Variants in ERICH3 observed in about 807,000 individuals in gnomAD.
The protein encoded by ERICH3 is glutamate-rich protein 3.
ERICH3 carries 126 observed loss-of-function variants against 131.1 expected under a neutral mutation model. The observed-to-expected ratio is 0.96, with a 90% confidence interval of 0.83 to 1.11. The LOEUF is 1.11. ERICH3 is among the 50% of genes most tolerant of loss of function. ERICH3 has a pLI of 0.00. For synonymous variants in ERICH3, 695 were observed against 644.6 expected, an observed-to-expected ratio of 1.08 and a Z score of -1.18; for missense variants, 2,050 against 1,810.7, an observed-to-expected ratio of 1.13 and a Z score of -2.40.
chr1:74,586,622 T>C (rs1317727921), intron 12 of ERICH3: 1 of 553,568 alleles, frequency 1.8e-6, no homozygotes, highest in Non-Finnish European at 2.3e-6. Context: ...AAAATGTTTA[T>C]AAATTTGAAA....
intron 8 of ERICH3, among the ~76,000 whole-genome samples, chr1:74,619,592 G>A (rs1649124799): frequency 1.3e-5 from 2 of 152,124 alleles, no homozygotes; most frequent in East Asian, 1.9e-4. Flanking sequence ...CCAGGGGCTC[G>A]GGATTTGCTC....
intron 6 of ERICH3, among the ~76,000 whole-genome samples, chr1:74,633,249 G>A (rs1646358262): frequency 6.6e-6 from 1 of 151,826 alleles, no homozygotes; most frequent in Non-Finnish European, 1.5e-5. Context: ...ATTTAAAAAG[G>A]CATATGAACC....
intron 8 of ERICH3, among the ~76,000 whole-genome samples, chr1:74,617,081 G>A (rs74093467): frequency 0.16 from 23,583 of 151,008 alleles, 2,025 homozygotes; most frequent in South Asian, 0.26. Context: ...TTTAATCTGA[G>A]CAAAACATGG....
intron 6 of ERICH3, 135 bp downstream of exon 6, chr1:74,636,145 G>T: frequency 1.4e-6 from 1 of 693,792 alleles, no homozygotes; most frequent in Non-Finnish European, 2.1e-6. Context: ...CAAGTATGTA[G>T]TAAGTGTTTC....
intron 12 of ERICH3, among the ~76,000 whole-genome samples, chr1:74,585,441 A>AT (rs1473092884): frequency 1.3e-5 from 2 of 152,184 alleles, no homozygotes; most frequent in African/African-American, 4.8e-5. Context: ...GGAAAATATC[A>AT]TTTTATGCAA....
At chr1:74,589,559 G>A (rs1160600737) in intron 12 of ERICH3, 72 bp downstream of exon 12, 1 of 1,412,164 alleles carries the variant, frequency 7.1e-7, no homozygotes, top group East Asian at 2.3e-5. Flanking sequence ...CCAAGCTTTG[G>A]CATAGTGCAA....
intron 10 of ERICH3, among the ~76,000 whole-genome samples, chr1:74,602,041 C>T (rs951207829): frequency 1.3e-5 from 2 of 151,784 alleles, no homozygotes; most frequent in South Asian, 2.1e-4. Context: ...AAATCACACA[C>T]GATATGTACT....
chr1:74,627,015 T>C (rs1649441645), intron 7 of ERICH3, among the ~76,000 whole-genome samples: 1 of 152,172 alleles, frequency 6.6e-6, no homozygotes, highest in South Asian at 2.1e-4. Context: ...ATGGTAGTCA[T>C]AAAATGAAAG....
At chr1:74,633,030 A>G (rs1646354839) in intron 6 of ERICH3, among the ~76,000 whole-genome samples, 1 of 151,796 alleles carries the variant, frequency 6.6e-6, no homozygotes, top group Non-Finnish European at 1.5e-5. Flanking sequence ...TTTTGCACCA[A>G]TTTATTTCTA....
intron 1 of ERICH3, among the ~76,000 whole-genome samples, chr1:74,666,889 C>A (rs2100659631): frequency 6.6e-6 from 1 of 152,162 alleles, no homozygotes; most frequent in Non-Finnish European, 1.5e-5. Flanking sequence ...GTTTTAGAAC[C>A]ATGGATCTAA....
Position 74,612,777 on chromosome 1 carries a change from C to A in ERICH3, c.1033G>T (p.Gly345Cys). The A allele has an allele frequency of 6.3e-7, 1 of 1,591,420 alleles. No homozygotes were observed. The highest frequency in any genetic ancestry group is 8.6e-7 in the Non-Finnish European group (1 of 1,162,110). The change falls in exon 9 of 15, where the codon GGT becomes TGT. Residue 345 changes from glycine (G) to cysteine (C), a missense_variant. By Grantham distance (159) the Gly-to-Cys change is radical (BLOSUM62 -3). Coordinates refer to ENST00000326665, the MANE Select transcript of ERICH3 (RefSeq NM_001002912.5). ...TFQFISKRHH[G>C]FPFSLTFFLN... ...AAAAAGGTGAGACTGAAGGGGAAAC[C>A]ATGATGCCTTTTGGAAATAAACTGA... is the stretch of plus-strand genomic sequence containing the variant.
At chr1:74,644,323 C>T (rs1336372755) in intron 3 of ERICH3, among the ~76,000 whole-genome samples, 1 of 152,090 alleles carries the variant, frequency 6.6e-6, no homozygotes, top group African/African-American at 2.4e-5. Context: ...TCACTGTAGT[C>T]ATCCACATCT....
At chr1:74,656,773 A>G (rs532805607) in intron 1 of ERICH3, among the ~76,000 whole-genome samples, 2 of 152,326 alleles carry the variant, frequency 1.3e-5, no homozygotes, top group Admixed American at 1.3e-4. Flanking sequence ...AGGGTTCATC[A>G]ATAAATCAAT....
intron 1 of ERICH3, among the ~76,000 whole-genome samples, chr1:74,670,344 G>T (rs1037251797): frequency 2.6e-5 from 4 of 152,096 alleles, no homozygotes; most frequent in African/African-American, 9.7e-5. Flanking sequence ...AACATAGTGT[G>T]ATGGTGAAGA....
intron 1 of ERICH3, among the ~76,000 whole-genome samples, chr1:74,670,701 G>A (rs1646734043): frequency 5.3e-5 from 8 of 152,112 alleles, no homozygotes; most frequent in African/African-American, 1.9e-4. Flanking sequence ...TGAAATCAGT[G>A]CACCTTGAAA....
At chr1:74,620,699 C>A (rs1251524838) in intron 8 of ERICH3, 35 bp downstream of exon 8, 2 of 1,516,546 alleles carry the variant, frequency 1.3e-6, no homozygotes, top group Admixed American at 2.0e-5. Context: ...ACATCAACTC[C>A]AAGCAATTAA....
intron 1 of ERICH3, among the ~76,000 whole-genome samples, chr1:74,652,283 G>C (rs1271571498): frequency 6.6e-6 from 1 of 152,052 alleles, no homozygotes; most frequent in African/African-American, 2.4e-5. Context: ...ATATACATGT[G>C]ACCATCTTTC....
At chr1:74,594,273 C>CGTGTGTGTGTGTGTGTGTGTGT (rs10655150) in intron 11 of ERICH3, among the ~76,000 whole-genome samples, 9 of 144,786 alleles carry the variant, frequency 6.2e-5, no homozygotes, top group African/African-American at 2.3e-4. Flanking sequence ...AAAAATGGGG[C>CGTGTGTGTGTGTGTGTGTGTGT]GTGTGTGTGT....
chr1:74,647,534 T>C (rs931821144), intron 2 of ERICH3, among the ~76,000 whole-genome samples: 1 of 152,148 alleles, frequency 6.6e-6, no homozygotes, highest in South Asian at 2.1e-4. Context: ...TTGCAAGTCC[T>C]AGGAACGGCC....
Sources: allele counts gnomAD v4.1 joint callset (sites outside exome capture counted in the v4.1 genomes callset), GRCh38; gene constraint gnomAD v4.1.1; transcripts MANE v1.5; gene names NCBI Gene and HGNC (gene_info 2026-07-23, HGNC 2026-07-21).